IL1RAPL2: variants seen among roughly 807,000 people sequenced by gnomAD.
IL1RAPL2 encodes the protein interleukin 1 receptor accessory protein like 2.
Under a neutral mutation model 44.1 loss-of-function variants are expected in IL1RAPL2, and 3 were observed. The observed-to-expected ratio is 0.07, with a 90% CI of 0.03 to 0.18. IL1RAPL2 has a LOEUF of 0.18. IL1RAPL2 is among the 10% of genes least tolerant of loss of function. The pLI is 1.00. For missense variants in IL1RAPL2, 391 were observed against 496.4 expected (o/e 0.79, Z 2.02); for synonymous variants, 181 against 178.8 (o/e 1.01, Z -0.10).
At chrX:104,900,197 C>A (rs1283242808) in intron 2 of IL1RAPL2, among the ~76,000 whole-genome samples, 5 of 111,522 alleles carry the variant, frequency 4.5e-5, no homozygotes, top group Non-Finnish European at 7.5e-5. Context: ...AAGACACTGC[C>A]CGTAAAACTG....
chrX:104,863,752 C>G (rs1345393078), intron 2 of IL1RAPL2, among the ~76,000 whole-genome samples: 2 of 112,072 alleles, frequency 1.8e-5, no homozygotes, highest in Admixed American at 1.9e-4. Flanking sequence ...TAAGACATAG[C>G]TTCTATCACC....
At chrX:105,294,038 T>C (rs1234027692) in intron 5 of IL1RAPL2, among the ~76,000 whole-genome samples, 2 of 112,539 alleles carry the variant, frequency 1.8e-5, no homozygotes, top group Non-Finnish European at 3.8e-5. Context: ...TTCCTTTACC[T>C]GTCCTTTGTG....
At chrX:104,815,834 AT>A (rs34144319) in intron 2 of IL1RAPL2, among the ~76,000 whole-genome samples, 17,673 of 86,194 alleles carry the variant, frequency 0.21, 1,350 homozygotes, top group East Asian at 0.31. Context: ...CACCCCCCTC[AT>A]TTTTTTTTTT....
At chrX:104,809,549 C>A (rs1932955578) in intron 2 of IL1RAPL2, among the ~76,000 whole-genome samples, 1 of 109,939 alleles carries the variant, frequency 9.1e-6, no homozygotes, top group Non-Finnish European at 1.9e-5. Flanking sequence ...CTGTTCATGT[C>A]CTTCACCCAC....
At chrX:104,899,963 G>A (rs1419135) in intron 2 of IL1RAPL2, among the ~76,000 whole-genome samples, 6,013 of 112,098 alleles carry the variant, frequency 0.054, 416 homozygotes, top group African/African-American at 0.19. Flanking sequence ...AAGCCCACCT[G>A]AAATGATGAT....
chrX:104,819,261 A>G (rs1338827783), intron 2 of IL1RAPL2, among the ~76,000 whole-genome samples: 1 of 112,341 alleles, frequency 8.9e-6, no homozygotes, highest in Non-Finnish European at 1.9e-5. Flanking sequence ...CCAACTTATG[A>G]TGGTTCAATT....
At chrX:105,760,856 T>C (rs1217724029) in intron 10 of IL1RAPL2, among the ~76,000 whole-genome samples, 2 of 111,858 alleles carry the variant, frequency 1.8e-5, no homozygotes, top group Non-Finnish European at 3.8e-5. Flanking sequence ...GGAAAGGTTT[T>C]TGTAGGACAA....
At chrX:104,668,955 T>A (rs1930540149) in intron 2 of IL1RAPL2, among the ~76,000 whole-genome samples, 1 of 111,481 alleles carries the variant, frequency 9.0e-6, no homozygotes, top group African/African-American at 3.3e-5. Flanking sequence ...TACCTCTGAA[T>A]CTTTTCATTT....
At chrX:104,928,540 CA>C (rs1330084254) in intron 2 of IL1RAPL2, among the ~76,000 whole-genome samples, 3 of 111,001 alleles carry the variant, frequency 2.7e-5, no homozygotes, top group South Asian at 3.8e-4. Flanking sequence ...GAAATTAGCC[CA>C]AAAAAATTGT....
chrX:104,915,774 G>T (rs1456585089), intron 2 of IL1RAPL2, among the ~76,000 whole-genome samples: 1 of 111,707 alleles, frequency 9.0e-6, no homozygotes, highest in Non-Finnish European at 1.9e-5. Flanking sequence ...TCCAGTTTCA[G>T]CTTTCTACAT....
intron 5 of IL1RAPL2, among the ~76,000 whole-genome samples, chrX:105,412,306 G>GTATATATA (rs56979628): frequency 8.6e-5 from 8 of 93,178 alleles, no homozygotes; most frequent in East Asian, 3.6e-4. Flanking sequence ...GAAAAATGTA[G>GTATATATA]TATATATATA....
intron 2 of IL1RAPL2, among the ~76,000 whole-genome samples, chrX:104,988,310 G>A (rs768361554): frequency 8.6e-4 from 97 of 112,394 alleles, no homozygotes; most frequent in African/African-American, 3.0e-3. Flanking sequence ...ATTGACAAAG[G>A]TTAAATTTTC....
chrX:104,777,581 A>G (rs1932739750), intron 2 of IL1RAPL2, among the ~76,000 whole-genome samples: 1 of 99,271 alleles, frequency 1.0e-5, no homozygotes, highest in Non-Finnish European at 2.0e-5. Flanking sequence ...TATTATTATT[A>G]TTATTATTAT....
intron 6 of IL1RAPL2, among the ~76,000 whole-genome samples, chrX:105,706,758 T>C (rs890722805): frequency 5.4e-5 from 6 of 111,794 alleles, no homozygotes; most frequent in African/African-American, 1.9e-4. Context: ...TGAGCAATGA[T>C]GGGTCTTTAC....
chrX:105,316,980 A>G (rs759867276), intron 5 of IL1RAPL2, among the ~76,000 whole-genome samples: 3 of 111,155 alleles, frequency 2.7e-5, no homozygotes, highest in African/African-American at 9.8e-5. Flanking sequence ...AGGAATCACT[A>G]AAGGCCCTAA....
In IL1RAPL2 at chrX:105,358,702, C is replaced by CA. The variant is rs11339990; in HGVS notation, c.697+91174dup. On this transcript the variant is annotated intron_variant, in intron 5 of 10. Transcript: ENST00000372582. ...AAAAAAAAAACACAACAACAACAAACAAAAAAAAAAAAAGAAAAAGAAAAT... is the reference window on the plus strand; with the variant it reads ...AAAAAAAAAACACAACAACAACAAACAAAAAAAAAAAAAAGAAAAAGAAAAT... Among the ~76,000 whole-genome samples the CA allele has an allele frequency of 8.5e-3, 600 of 70,350 alleles. 5 individuals are homozygous for CA. The highest frequency in any genetic ancestry group is 0.023 in the East Asian group (48 of 2,093). The allele number at this position is 70,350 out of a possible 115,157, so 61.1% of individuals were successfully genotyped here. A position where few individuals can be genotyped will look rare whatever the true frequency, so the allele number is the denominator to read the frequency against.
At chrX:105,246,449 A>G (rs1028908208) in intron 4 of IL1RAPL2, among the ~76,000 whole-genome samples, 1 of 111,809 alleles carries the variant, frequency 8.9e-6, no homozygotes, top group African/African-American at 3.2e-5. Context: ...GAAATGGGAA[A>G]TCAATATCAA....
rs1569401350 is a variant in IL1RAPL2, at chrX:105,195,537, G to A, written c.145G>A (p.Val49Ile). 1 of 1,211,457 alleles carries A rather than the reference G, an allele frequency of 8.3e-7. No homozygotes were observed. The highest frequency in any genetic ancestry group is 3.0e-5 in the East Asian group (1 of 33,836). The change falls in exon 3 of 11, where the codon GTC becomes ATC. Residue 49 changes from valine to isoleucine, a missense_variant. Transcript: ENST00000372582. ...KTYMALAGEP[V>I]RVKCALFYSY... ...ATACATGGCTTTGGCAGGTGAACCA[G>A]TCCGAGTGAAATGTGCCCTTTTCTA...
intron 2 of IL1RAPL2, among the ~76,000 whole-genome samples, chrX:104,998,427 C>T: frequency 9.0e-6 from 1 of 110,513 alleles, no homozygotes; most frequent in Non-Finnish European, 1.9e-5. Context: ...GGGGCAGTAG[C>T]AGGAGAAGAA....
Sources: allele counts gnomAD v4.1 joint callset (sites outside exome capture counted in the v4.1 genomes callset), GRCh38; gene constraint gnomAD v4.1.1; transcripts MANE v1.5; gene names NCBI Gene and HGNC (gene_info 2026-07-23, HGNC 2026-07-21).